SIAH2: variants seen among roughly 807,000 people sequenced by gnomAD.
SIAH2 encodes siah E3 ubiquitin protein ligase 2.
In SIAH2, 4 loss-of-function variants were observed where a neutral mutation model predicts 20.4. That is an observed-to-expected ratio of 0.20 (90% CI 0.10 to 0.45). The LOEUF is 0.45. Ranked by LOEUF, SIAH2 falls within the 20% of genes least tolerant of loss-of-function variation. The pLI is 0.99. For missense variants in SIAH2, 259 were observed against 440.3 expected (o/e 0.59, Z 3.69); for synonymous variants, 171 against 192.5 (o/e 0.89, Z 0.93).
intron 1 of SIAH2, among the ~76,000 whole-genome samples, chr3:150,761,352 G>C (rs866437106): frequency 1.3e-5 from 2 of 152,192 alleles, no homozygotes; most frequent in African/African-American, 2.4e-5. Context: ...AATAGCTGCA[G>C]GTAAACAAAT....
chr3:150,759,372 A>G (rs1340086943), intron 1 of SIAH2, among the ~76,000 whole-genome samples: 3 of 152,032 alleles, frequency 2.0e-5, no homozygotes, highest in Admixed American at 2.0e-4. Flanking sequence ...CCACCCTCCC[A>G]TCTTCCTACC....
At chr3:150,752,613 T>C (rs1223145123) in intron 1 of SIAH2, among the ~76,000 whole-genome samples, 4 of 151,792 alleles carry the variant, frequency 2.6e-5, no homozygotes, top group Non-Finnish European at 4.4e-5. Flanking sequence ...CATCTCAGTA[T>C]TAAAAAAAAA....
rs113167142 is a variant in SIAH2, at chr3:150,753,424, G to A, written c.417+9009C>T. 2.9e-3 allele frequency among the ~76,000 whole-genome samples: 447 copies of A among 152,276 alleles called. 5 individuals are homozygous for A. Among genetic ancestry groups the A allele is most frequent in the African/African-American group, 0.01 (429 of 41,538 alleles). Reference sequence around the variant, plus strand: ...AAACCAAAAGGTAACACCCAATGTCGGTGCTGCTGGGAAGAAATGGACATT... The same window carrying A: ...AAACCAAAAGGTAACACCCAATGTCAGTGCTGCTGGGAAGAAATGGACATT... On this transcript the variant is annotated intron_variant, in intron 1 of 1. Transcript: ENST00000312960.
chr3:150,746,785 C>A (rs979340851), intron 1 of SIAH2, among the ~76,000 whole-genome samples: 1 of 152,232 alleles, frequency 6.6e-6, no homozygotes, highest in Non-Finnish European at 1.5e-5. Flanking sequence ...TTGCAAGGAG[C>A]GGCCCATGCC....
intron 1 of SIAH2, among the ~76,000 whole-genome samples, chr3:150,747,022 G>GCATTCCCAGGCTGCCCCGC (rs1028246434): frequency 1.3e-5 from 2 of 152,262 alleles, no homozygotes; most frequent in Non-Finnish European, 1.5e-5. Flanking sequence ...GCAGAGCCCT[G>GCATTCCCAGGCTGCCCCGC]CATTCCCAGG....
Position 150,742,280 on chromosome 3 carries a change from G to A in SIAH2, c.836C>T (p.Thr279Met), listed in dbSNP as rs758857423. The A allele has an allele frequency of 6.2e-6, 10 of 1,614,176 alleles. No homozygotes were observed. The highest frequency in any genetic ancestry group is 5.5e-5 in the South Asian group (5 of 91,078). ...GNRRRLTWEA[T>M]PRSIHDGVAA... The stretch of plus-strand genomic sequence containing the variant: ...CACACCGTCATGAATCGAACGGGGC[G>A]TGGCCTCCCAGGTCAATCTCCGCCG... Residue 279 changes from threonine (T) to methionine (M), a missense_variant, in exon 2 of 2, where the codon ACG (threonine) becomes ATG (methionine). Thr to Met is a moderately conservative substitution (Grantham distance 81). Around this residue, in one of 2 missense-constraint regions of SIAH2, gnomAD observed 160 missense variants for 327.6 expected, o/e 0.49. Coordinates refer to ENST00000312960, the MANE Select transcript of SIAH2 (RefSeq NM_005067.7). The surrounding 1 kb of genome is among the most constrained non-coding windows in gnomAD (Gnocchi z 4.8).
At chr3:150,747,724 T>C (rs552894321) in intron 1 of SIAH2, among the ~76,000 whole-genome samples, 1 of 152,056 alleles carries the variant, frequency 6.6e-6, no homozygotes, top group Non-Finnish European at 1.5e-5. Context: ...GTGGATCACC[T>C]GAGGTCAGGA....
In SIAH2 at chr3:150,754,239, T is replaced by C. The variant is rs761955208; in HGVS notation, c.417+8194A>G. Among the ~76,000 whole-genome samples, 3 of 152,222 alleles carry C rather than the reference T, an allele frequency of 2.0e-5. No homozygotes were observed. The East Asian group carries it at 5.8e-4, about 29-fold the overall frequency. On this transcript the variant is annotated intron_variant, in intron 1 of 1. Coordinates refer to ENST00000312960, the MANE Select transcript of SIAH2 (RefSeq NM_005067.7). Reference sequence around the variant, plus strand: ...TTAATTGGCTCACGGTTCTGCAAGCTGTACAGGAAGCATAGTGGCTTCTGC... The same window carrying C: ...TTAATTGGCTCACGGTTCTGCAAGCCGTACAGGAAGCATAGTGGCTTCTGC...
In SIAH2 at chr3:150,742,428, T is replaced by A. The variant is rs2108115535; in HGVS notation, c.688A>T (p.Met230Leu). 6.2e-7 allele frequency: 1 copy of A among 1,614,190 alleles called. No homozygotes were observed. Among genetic ancestry groups the A allele is most frequent in the African/African-American group, 1.3e-5 (1 of 75,052 alleles). Residue 230 changes from methionine to leucine, a missense_variant, in exon 2 of 2, where the codon ATG becomes TTG. By Grantham distance (15) the Met-to-Leu change is conservative. Around this residue, in one of 2 missense-constraint regions of SIAH2, gnomAD observed 160 missense variants for 327.6 expected, o/e 0.49. Coordinates refer to ENST00000312960, the MANE Select transcript of SIAH2 (RefSeq NM_005067.7). This position sits in a 1 kb window ranked among gnomAD's most constrained non-coding sequence, Gnocchi z 4.8. ...MMQSCFGHHF[M>L]LVLEKQEKYE... is the part of the protein sequence containing the mutation. ...TTCTCTTGTTTCTCCAGCACCAGCA[T>A]GAAGTGATGGCCAAAACATGACTGC... is the stretch of plus-strand genomic sequence containing the variant.
intron 1 of SIAH2, among the ~76,000 whole-genome samples, chr3:150,753,045 T>C (rs1235992477): frequency 6.6e-6 from 1 of 152,216 alleles, no homozygotes; most frequent in Non-Finnish European, 1.5e-5. Context: ...AGCCTCCTTA[T>C]GAGCTTCCAT....
chr3:150,745,995 G>A (rs1714202956), intron 1 of SIAH2, among the ~76,000 whole-genome samples: 1 of 152,232 alleles, frequency 6.6e-6, no homozygotes, highest in Non-Finnish European at 1.5e-5. Flanking sequence ...GTGGGACAGG[G>A]TGAGGAGGAC....
Position 150,742,408 on chromosome 3 carries a change from T to C in SIAH2, c.708A>G (p.Gln236=), listed in dbSNP as rs778431705. 5.0e-6 allele frequency: 8 copies of C among 1,614,202 alleles called. No homozygotes were observed. Among genetic ancestry groups the C allele is most frequent in the Admixed American group, 1.7e-5 (1 of 60,024 alleles). ...GHHFMLVLEK[Q]EKYEGHQQFF... ...ACTGCTGGTGGCCTTCGTACTTCTC[T>C]TGTTTCTCCAGCACCAGCATGAAGT... The change falls in exon 2 of 2, where the codon CAA becomes CAG. Residue 236 remains glutamine, a synonymous_variant. Transcript: ENST00000312960. This position sits in a 1 kb window ranked among gnomAD's most constrained non-coding sequence, Gnocchi z 4.8.
chr3:150,750,056 AATTT>A (rs1714323984), intron 1 of SIAH2, among the ~76,000 whole-genome samples: 1 of 152,218 alleles, frequency 6.6e-6, no homozygotes, highest in Non-Finnish European at 1.5e-5. Context: ...CTGACAGTAT[AATTT>A]ATTATGTATG....
At chr3:150,745,071 ATTAAC>A (rs1314723132) in intron 1 of SIAH2, among the ~76,000 whole-genome samples, 2 of 152,062 alleles carry the variant, frequency 1.3e-5, no homozygotes, top group African/African-American at 2.4e-5. Context: ...TACATCCTCT[ATTAAC>A]TTAAATAAAT....
chr3:150,756,658 G>A (rs1714490359), intron 1 of SIAH2, among the ~76,000 whole-genome samples: 1 of 152,224 alleles, frequency 6.6e-6, no homozygotes, highest in African/African-American at 2.4e-5. Flanking sequence ...ATGGTGACCT[G>A]TGAAAAATCT....
At chr3:150,754,845 C>T (rs568115840) in intron 1 of SIAH2, among the ~76,000 whole-genome samples, 1 of 152,178 alleles carries the variant, frequency 6.6e-6, no homozygotes, top group Non-Finnish European at 1.5e-5. Flanking sequence ...AAAAAATCCT[C>T]ATCACTGAAA....
intron 1 of SIAH2, among the ~76,000 whole-genome samples, chr3:150,757,619 T>A (rs1028013892): frequency 6.6e-5 from 10 of 152,016 alleles, no homozygotes; most frequent in African/African-American, 2.4e-4. Flanking sequence ...GTTCGCTTTG[T>A]CTGCAAGTGG....
chr3:150,743,872 T>C (rs1240880628), intron 1 of SIAH2, among the ~76,000 whole-genome samples: 1 of 152,104 alleles, frequency 6.6e-6, no homozygotes, highest in Non-Finnish European at 1.5e-5. Context: ...AAACTAGGTG[T>C]CAGCCTTAGA....
At chr3:150,743,002 C>G (rs1276167757) in intron 1 of SIAH2, among the ~76,000 whole-genome samples, 1 of 152,214 alleles carries the variant, frequency 6.6e-6, no homozygotes, top group East Asian at 1.9e-4. Flanking sequence ...AATTGTTGAG[C>G]AAGCCCTATA....
Sources: gnomAD v4.1 joint callset for allele counts (sites outside exome capture counted in the v4.1 genomes callset) on GRCh38, gnomAD v4.1.1 for gene constraint, gnomAD v4.1.1 regional missense constraint, Gnocchi (gnomAD v3.1) non-coding constraint, MANE v1.5 for transcripts, NCBI Gene and HGNC (gene_info 2026-07-23, HGNC 2026-07-21) for gene names.